Variants in VAV3 observed in about 807,000 individuals in gnomAD.
VAV3 encodes vav guanine nucleotide exchange factor 3.
In VAV3, 94 loss-of-function variants were observed where a neutral mutation model predicts 131.2. That is an observed-to-expected ratio of 0.72 (90% confidence interval 0.61 to 0.85). VAV3 has a LOEUF of 0.85. Among genes scored for constraint, VAV3 ranks in the 40% least tolerant of loss-of-function variants. The probability of loss-of-function intolerance (pLI) is 0.00; values close to 1 mark genes in which losing one functional copy is unlikely to be tolerated. For synonymous variants in VAV3, 349 were observed against 342.0 expected (o/e 1.02, Z -0.22); for missense variants, 939 against 1,002.7 (o/e 0.94, Z 0.86).
chr1:107,662,897 C>T (rs911623860), intron 19 of VAV3, among the ~76,000 whole-genome samples: 1 of 152,208 alleles, frequency 6.6e-6, no homozygotes, highest in African/African-American at 2.4e-5. Flanking sequence ...AATTCCCCAA[C>T]ACTGAAACCC....
At chr1:107,804,531 CTTTAT>C (rs780518159) in intron 2 of VAV3, among the ~76,000 whole-genome samples, 59 of 152,120 alleles carry the variant, frequency 3.9e-4, no homozygotes, top group Non-Finnish European at 5.9e-4. Context: ...GAACTTTAAT[CTTTAT>C]TTTAACTCCA....
chr1:107,754,035 C>T (rs1467189060), intron 12 of VAV3, among the ~76,000 whole-genome samples: 1 of 152,114 alleles, frequency 6.6e-6, no homozygotes, highest in African/African-American at 2.4e-5. Flanking sequence ...TCTGAGATTA[C>T]AATTGAAGGC....
intron 10 of VAV3, among the ~76,000 whole-genome samples, chr1:107,757,691 C>T (rs1053812503): frequency 6.6e-6 from 1 of 152,170 alleles, no homozygotes; most frequent in Non-Finnish European, 1.5e-5. Context: ...CTGCATCCCT[C>T]CTTTCATTTC....
chr1:107,723,375 C>A (rs906690742), intron 15 of VAV3, among the ~76,000 whole-genome samples: 8 of 151,984 alleles, frequency 5.3e-5, no homozygotes, highest in Non-Finnish European at 1.2e-4. Flanking sequence ...GGGTTGTCTT[C>A]CCACACAAAT....
chr1:107,786,420 C>T (rs367878830), intron 2 of VAV3, among the ~76,000 whole-genome samples: 5 of 152,078 alleles, frequency 3.3e-5, no homozygotes, highest in East Asian at 3.9e-4. Context: ...AAGGTAAGGA[C>T]GGGAGTCAAG....
intron 2 of VAV3, among the ~76,000 whole-genome samples, chr1:107,817,453 G>C (rs1667607483): frequency 6.6e-6 from 1 of 152,164 alleles, no homozygotes. Flanking sequence ...GTTAGAGTCA[G>C]ATTATAAAAA....
At chr1:107,635,723 A>G (rs893784498) in intron 20 of VAV3, among the ~76,000 whole-genome samples, 1 of 152,190 alleles carries the variant, frequency 6.6e-6, no homozygotes, top group Admixed American at 6.6e-5. Context: ...TAGCATAAAG[A>G]CAGCCACCAT....
intron 25 of VAV3, among the ~76,000 whole-genome samples, chr1:107,582,352 C>A (rs1307765265): frequency 2.6e-5 from 4 of 152,124 alleles, no homozygotes; most frequent in Admixed American, 2.6e-4. Flanking sequence ...ACTATCTGCT[C>A]CCCAATCTCT....
At chr1:107,835,009 G>T (rs568160650) in intron 2 of VAV3, among the ~76,000 whole-genome samples, 2 of 152,254 alleles carry the variant, frequency 1.3e-5, no homozygotes, top group African/African-American at 4.8e-5. Flanking sequence ...TTTACACATA[G>T]GGCAGCTACA....
intron 19 of VAV3, among the ~76,000 whole-genome samples, chr1:107,647,099 CTG>C (rs1655792701): frequency 6.6e-6 from 1 of 151,356 alleles, no homozygotes; most frequent in Non-Finnish European, 1.5e-5. Context: ...GCATCAACCA[CTG>C]TGTCTTCCAA....
intron 2 of VAV3, among the ~76,000 whole-genome samples, chr1:107,860,435 T>C (rs1421175680): frequency 2.8e-5 from 4 of 144,876 alleles, no homozygotes. Flanking sequence ...ATTTTCCAAA[T>C]TACCACTGGG....
chr1:107,642,523 T>C, intron 20 of VAV3, 96 bp downstream of exon 20: 1 of 1,429,916 alleles, frequency 7.0e-7, no homozygotes, highest in Non-Finnish European at 9.6e-7. Flanking sequence ...TGCTTTTGCT[T>C]TGCACTGTGG....
chr1:107,956,816 C>A (rs1299539862), intron 1 of VAV3, among the ~76,000 whole-genome samples: 1 of 151,978 alleles, frequency 6.6e-6, no homozygotes, highest in East Asian at 1.9e-4. Flanking sequence ...TTCAGCAGCT[C>A]AGTTGTAAGC....
At chr1:107,696,902 T>C (rs542982671) in intron 17 of VAV3, among the ~76,000 whole-genome samples, 7 of 152,288 alleles carry the variant, frequency 4.6e-5, no homozygotes, top group African/African-American at 1.7e-4. Flanking sequence ...AGGCCAGTCA[T>C]GAAAAACTAT....
In VAV3 at chr1:107,642,775, G is replaced by C. The variant is rs1262803239; in HGVS notation, c.1778-20C>G. On this transcript the variant is annotated intron_variant, in intron 19 of 26. Coordinates refer to ENST00000370056, the MANE Select transcript of VAV3 (RefSeq NM_006113.5). Reference sequence around the variant, plus strand: ...GTAAACCTGAAAATAAGCCAAACAAGTTTTAGAATTGAGAAAACAATGATG... The same window carrying C: ...GTAAACCTGAAAATAAGCCAAACAACTTTTAGAATTGAGAAAACAATGATG... 11 of 1,612,494 alleles carry C rather than the reference G, an allele frequency of 6.8e-6. No homozygotes were observed. Among genetic ancestry groups the C allele is most frequent in the Non-Finnish European group, 9.3e-6 (11 of 1,179,262 alleles).
chr1:107,692,665 A>T (rs1432081849), intron 17 of VAV3, among the ~76,000 whole-genome samples: 1 of 152,162 alleles, frequency 6.6e-6, no homozygotes, highest in Non-Finnish European at 1.5e-5. Flanking sequence ...TCTAGGTAGC[A>T]GTCTCTCAGT....
chr1:107,879,938 G>A (rs1670687437), intron 1 of VAV3, among the ~76,000 whole-genome samples: 1 of 152,098 alleles, frequency 6.6e-6, no homozygotes, highest in Non-Finnish European at 1.5e-5. Flanking sequence ...TATGCACTAG[G>A]CATAATGAAA....
At chr1:107,819,506 C>CA (rs113258345) in intron 2 of VAV3, among the ~76,000 whole-genome samples, 16,871 of 122,570 alleles carry the variant, frequency 0.14, 1,091 homozygotes, top group East Asian at 0.26. Flanking sequence ...GACTCTGTCT[C>CA]AAAAAAAAAA....
chr1:107,682,133 C>T (rs1658678814), intron 19 of VAV3, among the ~76,000 whole-genome samples: 1 of 152,062 alleles, frequency 6.6e-6, no homozygotes, highest in Admixed American at 6.6e-5. Flanking sequence ...TTCTACTTTG[C>T]CATATTTCTA....
Sources: gnomAD v4.1 joint callset for allele counts (sites outside exome capture counted in the v4.1 genomes callset) on GRCh38, gnomAD v4.1.1 for gene constraint, MANE v1.5 for transcripts, NCBI Gene and HGNC (gene_info 2026-07-23, HGNC 2026-07-21) for gene names.